FUT9: variants seen among roughly 807,000 people sequenced by gnomAD.
FUT9 encodes the protein fucosyltransferase 9, also known as 4-galactosyl-N-acetylglucosaminide 3-alpha-L-fucosyltransferase 9.
In FUT9, 15 loss-of-function variants were observed where a neutral mutation model predicts 29.7. The ratio of observed to expected loss-of-function variants is 0.51; its 90% confidence interval spans 0.34 to 0.78. The LOEUF (loss-of-function observed/expected upper bound fraction) is 0.78, where lower values mean the gene tolerates loss of function less well. Ranked by LOEUF, FUT9 falls within the 30% of genes least tolerant of loss-of-function variation. The probability of loss-of-function intolerance (pLI) is 0.01; values close to 1 mark genes in which losing one functional copy is unlikely to be tolerated. For missense variants in FUT9, 319 were observed against 425.4 expected (o/e 0.75, Z 2.20); for synonymous variants, 169 against 153.7 (o/e 1.10, Z -0.74).
intron 2 of FUT9, among the ~76,000 whole-genome samples, chr6:96,180,230 G>A (rs1296017783): frequency 6.6e-6 from 1 of 152,052 alleles, no homozygotes; most frequent in Non-Finnish European, 1.5e-5. Context: ...ACTATCCCAG[G>A]TTACTTACAT....
intron 2 of FUT9, among the ~76,000 whole-genome samples, chr6:96,153,003 G>T (rs1338615828): frequency 6.6e-6 from 1 of 152,136 alleles, no homozygotes; most frequent in African/African-American, 2.4e-5. Context: ...ATTAGGAACA[G>T]TCCTAAATGG....
chr6:96,152,079 C>T (rs941822319), intron 2 of FUT9, among the ~76,000 whole-genome samples: 1 of 152,124 alleles, frequency 6.6e-6, no homozygotes, highest in African/African-American at 2.4e-5. Flanking sequence ...CCCATTTTTA[C>T]ATAGGGAGAG....
At chr6:96,069,462 A>T (rs9485648) in intron 1 of FUT9, among the ~76,000 whole-genome samples, 84,416 of 151,850 alleles carry the variant, frequency 0.56, 23,593 homozygotes, top group South Asian at 0.64. Context: ...CAAGATTTTT[A>T]AAAATATAGT....
intron 2 of FUT9, among the ~76,000 whole-genome samples, chr6:96,131,088 G>T (rs1205602673): frequency 2.0e-5 from 3 of 151,976 alleles, no homozygotes; most frequent in Non-Finnish European, 4.4e-5. Context: ...GTATGGAGGA[G>T]CCCTTTCTAA....
At chr6:96,024,150 T>C (rs1390883728) in intron 1 of FUT9, among the ~76,000 whole-genome samples, 2 of 151,912 alleles carry the variant, frequency 1.3e-5, no homozygotes, top group African/African-American at 4.8e-5. Flanking sequence ...CAGACAATCT[T>C]TTCTTTCTAT....
At chr6:96,060,049 A>G (rs1397255427) in intron 1 of FUT9, among the ~76,000 whole-genome samples, 1 of 152,192 alleles carries the variant, frequency 6.6e-6, no homozygotes, top group Non-Finnish European at 1.5e-5. Context: ...GCATAGAACA[A>G]TCGCCTACTT....
chr6:96,083,762 C>T lies in FUT9; in HGVS notation c.-97-30277C>T, dbSNP rs1307469543. Among the ~76,000 whole-genome samples the T allele has an allele frequency of 5.9e-5, 9 of 152,080 alleles. No individual in the cohort carries two copies. In the South Asian group the frequency reaches 1.0e-3, roughly 18 times the overall value. On this transcript the variant is annotated intron_variant, in intron 1 of 2. Coordinates refer to ENST00000302103, the MANE Select transcript of FUT9 (RefSeq NM_006581.4). ...AAGAAATAAATAAAAAAGAAATTCA[C>T]CCTCTTTTAGCATAATAACCCTTCA...
chr6:96,075,351 C>T (rs115423915), intron 1 of FUT9, among the ~76,000 whole-genome samples: 1 of 151,978 alleles, frequency 6.6e-6, no homozygotes, highest in African/African-American at 2.4e-5. Flanking sequence ...GGGTTTGATA[C>T]CAAGAAAACT....
intron 2 of FUT9, among the ~76,000 whole-genome samples, chr6:96,194,208 A>T (rs926345039): frequency 2.6e-5 from 4 of 152,092 alleles, no homozygotes; most frequent in African/African-American, 9.7e-5. Flanking sequence ...ATAATAATAA[A>T]AAATAAAATT....
chr6:96,020,653 T>C (rs1482262312), intron 1 of FUT9, among the ~76,000 whole-genome samples: 1 of 152,100 alleles, frequency 6.6e-6, no homozygotes, highest in Non-Finnish European at 1.5e-5. Context: ...ATCACCATCA[T>C]TTCATCTAGG....
chr6:96,170,516 A>T (rs971955099), intron 2 of FUT9, among the ~76,000 whole-genome samples: 1 of 150,712 alleles, frequency 6.6e-6, no homozygotes, highest in Non-Finnish European at 1.5e-5. Flanking sequence ...TGAACTAGTT[A>T]GAGCTAGTTA....
At chr6:96,073,812 G>A (rs1204952759) in intron 1 of FUT9, among the ~76,000 whole-genome samples, 1 of 152,106 alleles carries the variant, frequency 6.6e-6, no homozygotes, top group East Asian at 1.9e-4. Flanking sequence ...CATTAGCTGT[G>A]TAACCTTGTA....
intron 2 of FUT9, among the ~76,000 whole-genome samples, chr6:96,133,871 T>C (rs1772297068): frequency 1.3e-5 from 2 of 151,956 alleles, no homozygotes; most frequent in East Asian, 3.8e-4. Flanking sequence ...TGTAAGGTCT[T>C]ATGATTTTCT....
intron 2 of FUT9, among the ~76,000 whole-genome samples, chr6:96,129,385 C>T (rs551139708): frequency 6.6e-6 from 1 of 151,496 alleles, no homozygotes; most frequent in South Asian, 2.1e-4. Context: ...AAGTTCGAGG[C>T]TTCGAGGCTG....
Position 96,212,172 on chromosome 6 carries a change from C to T in FUT9, c.*7937C>T, listed in dbSNP as rs1773949718. ...CCACTCATTATGTGAGAAATATGGG[C>T]CAGAGTTACAATATCACATCTCCAG... On this transcript the variant is annotated 3_prime_UTR_variant, in exon 3 of 3. Coordinates refer to ENST00000302103, the MANE Select transcript of FUT9 (RefSeq NM_006581.4). 1 of 412,394 alleles carries T rather than the reference C, an allele frequency of 2.4e-6. No individual in the cohort carries two copies. The highest frequency in any genetic ancestry group is 2.1e-5 in the African/African-American group (1 of 48,570). 25.5% of individuals were successfully genotyped at this position (412,394 alleles called of 1,614,324 possible).
rs190838766 is a variant in FUT9 at position 96,172,539 on chromosome 6, T to C, written c.-8-30609T>C. On this transcript the variant is annotated intron_variant, in intron 2 of 2. Transcript: ENST00000302103. ...TTAGATACTTGACCCCTGTAAATTT[T>C]TGCCCCTTTCTAGGAAATTAGGGTC... Among the ~76,000 whole-genome samples, 6 of 152,240 alleles carry C rather than the reference T, an allele frequency of 3.9e-5. No individual in the cohort carries two copies. The East Asian group carries it at 1.2e-3, about 29-fold the overall frequency.
intron 1 of FUT9, among the ~76,000 whole-genome samples, chr6:96,080,961 TATA>T (rs1184452507): frequency 6.6e-6 from 1 of 151,980 alleles, no homozygotes; most frequent in African/African-American, 2.4e-5. Flanking sequence ...GAGATTAATT[TATA>T]ATATCACATT....
intron 1 of FUT9, among the ~76,000 whole-genome samples, chr6:96,109,401 A>T (rs1020940319): frequency 3.3e-5 from 5 of 152,188 alleles, no homozygotes; most frequent in African/African-American, 1.2e-4. Flanking sequence ...AATTATATAA[A>T]ACTAGTGTGT....
At chr6:96,153,485 T>A (rs1340655133) in intron 2 of FUT9, among the ~76,000 whole-genome samples, 2 of 152,206 alleles carry the variant, frequency 1.3e-5, no homozygotes, top group African/African-American at 4.8e-5. Context: ...AAGTTACAAA[T>A]ACTTTTCAGG....
Sources: allele counts gnomAD v4.1 joint callset (sites outside exome capture counted in the v4.1 genomes callset), GRCh38; gene constraint gnomAD v4.1.1; transcripts MANE v1.5; gene names NCBI Gene and HGNC (gene_info 2026-07-23, HGNC 2026-07-21).